Variants in TPRG1 observed in about 807,000 individuals in gnomAD.
TPRG1 encodes the protein tumor protein p63-regulated gene 1 protein.
A neutral mutation model predicts 29.3 loss-of-function variants in TPRG1; 29 were observed. That is an observed-to-expected ratio of 0.99 (90% CI 0.74 to 1.35). TPRG1 has a LOEUF of 1.35. TPRG1 is among the 40% of genes most tolerant of loss of function. The pLI is 0.00. For synonymous variants in TPRG1, 130 were observed against 116.8 expected (o/e 1.11, Z -0.73); for missense variants, 327 against 335.0 (o/e 0.98, Z 0.19).
Position 189,276,723 on chromosome 3 carries a change from A to C in TPRG1, c.480-33663A>C, listed in dbSNP as rs191027220. 3.3e-5 allele frequency among the ~76,000 whole-genome samples: 5 copies of C among 152,286 alleles called. No individual in the cohort carries two copies. In the East Asian group the frequency reaches 9.7e-4, roughly 29 times the overall value. ...CCTAGTCTCTTCCTTGGCTTGGCTC[A>C]TGGCTGTTCTAAATAATACCTTGGG... On this transcript the variant is annotated intron_variant, in intron 4 of 5. Transcript: ENST00000345063.
chr3:189,302,775 G>C (rs957405589), intron 4 of TPRG1, among the ~76,000 whole-genome samples: 1 of 152,114 alleles, frequency 6.6e-6, no homozygotes, highest in Non-Finnish European at 1.5e-5. Flanking sequence ...CTAATAACTT[G>C]TTGCATTTTC....
At chr3:189,070,675 A>T (rs1716760853) in intron 4 of TPRG1, among the ~76,000 whole-genome samples, 1 of 152,220 alleles carries the variant, frequency 6.6e-6, no homozygotes, top group Non-Finnish European at 1.5e-5. Flanking sequence ...CGACAGTTTT[A>T]TTAAAAAAAT....
chr3:189,300,078 G>T (rs919380600), intron 4 of TPRG1, among the ~76,000 whole-genome samples: 1 of 152,166 alleles, frequency 6.6e-6, no homozygotes, highest in Non-Finnish European at 1.5e-5. Context: ...ACTCTATAAT[G>T]ATTATCTTCG....
At chr3:189,090,364 T>G (rs1171248143) in intron 4 of TPRG1, among the ~76,000 whole-genome samples, 2 of 152,130 alleles carry the variant, frequency 1.3e-5, no homozygotes, top group Admixed American at 1.3e-4. Context: ...CTATACGTAA[T>G]TTTTGCTTCA....
chr3:189,086,684 C>A (rs995594267), intron 4 of TPRG1, among the ~76,000 whole-genome samples: 1 of 152,100 alleles, frequency 6.6e-6, no homozygotes, highest in Non-Finnish European at 1.5e-5. Flanking sequence ...TGTGCCACCA[C>A]GCCCAGCTAA....
chr3:189,157,798 G>A (rs1422531890), intron 5 of TPRG1, among the ~76,000 whole-genome samples: 1 of 152,058 alleles, frequency 6.6e-6, no homozygotes, highest in Non-Finnish European at 1.5e-5. Flanking sequence ...GATGAGTTGG[G>A]ACCTGTAGGA....
intron 1 of TPRG1, among the ~76,000 whole-genome samples, chr3:189,203,097 C>A (rs949772558): frequency 6.6e-6 from 1 of 152,064 alleles, no homozygotes; most frequent in Non-Finnish European, 1.5e-5. Flanking sequence ...TAAACAATAA[C>A]TTTTAAGCTA....
At chr3:189,291,957 T>A (rs1015228052) in intron 4 of TPRG1, among the ~76,000 whole-genome samples, 2 of 152,198 alleles carry the variant, frequency 1.3e-5, no homozygotes, top group Non-Finnish European at 2.9e-5. Flanking sequence ...TACTTATCAA[T>A]GGCTGACATT....
intron 1 of TPRG1, among the ~76,000 whole-genome samples, chr3:189,101,053 C>T (rs1719139377): frequency 6.6e-6 from 1 of 152,212 alleles, no homozygotes; most frequent in Non-Finnish European, 1.5e-5. Context: ...CTCTCCTTGG[C>T]AGCCATGCCC....
At chr3:189,164,916 A>C (rs555165446) in intron 5 of TPRG1, among the ~76,000 whole-genome samples, 1 of 152,274 alleles carries the variant, frequency 6.6e-6, no homozygotes, top group South Asian at 2.1e-4. Flanking sequence ...TTCATGTGGC[A>C]GAGTATCCCT....
intron 1 of TPRG1, among the ~76,000 whole-genome samples, chr3:189,176,554 G>A (rs1729513213): frequency 1.3e-5 from 2 of 152,282 alleles, no homozygotes; most frequent in South Asian, 4.1e-4. Flanking sequence ...GAGATATGGA[G>A]AACAATAGAA....
intron 2 of TPRG1, among the ~76,000 whole-genome samples, chr3:189,128,988 A>G (rs1722805132): frequency 1.3e-5 from 2 of 152,180 alleles, no homozygotes; most frequent in African/African-American, 4.8e-5. Flanking sequence ...GACTCAGGAA[A>G]AACAAAAACA....
chr3:189,277,989 G>A (rs527416015), intron 4 of TPRG1, among the ~76,000 whole-genome samples: 1 of 152,236 alleles, frequency 6.6e-6, no homozygotes, highest in East Asian at 1.9e-4. Flanking sequence ...CTATTTCTTT[G>A]TATCCATAAG....
intron 2 of TPRG1, among the ~76,000 whole-genome samples, chr3:189,214,578 A>T (rs1438122057): frequency 6.6e-6 from 1 of 152,184 alleles, no homozygotes; most frequent in African/African-American, 2.4e-5. Flanking sequence ...TACAGTCTCC[A>T]CACCACCAGC....
Position 189,311,094 on chromosome 3 carries a change from A to G in TPRG1, c.633+555A>G, listed in dbSNP as rs530392338. 6.2e-4 allele frequency among the ~76,000 whole-genome samples: 95 copies of G among 152,304 alleles called. 1 individual carries two copies. The highest frequency in any genetic ancestry group is 2.2e-3 in the African/African-American group (93 of 41,568). On this transcript the variant is annotated intron_variant, in intron 5 of 5. Transcript: ENST00000345063. ...CTTTGTCTTTAAATTTCATCTCATC[A>G]AGCAGATATTAGACTTATTTCTAAA... is the stretch of plus-strand genomic sequence containing the variant.
chr3:189,177,448 GTC>G (rs1292321613), intron 1 of TPRG1, among the ~76,000 whole-genome samples: 1 of 150,770 alleles, frequency 6.6e-6, no homozygotes, highest in Non-Finnish European at 1.5e-5. Flanking sequence ...ACATATATAT[GTC>G]TGTTTATATA....
intron 4 of TPRG1, among the ~76,000 whole-genome samples, chr3:189,280,699 C>G (rs1165147224): frequency 6.6e-6 from 1 of 152,152 alleles, no homozygotes; most frequent in Non-Finnish European, 1.5e-5. Context: ...TGGGTTAAAG[C>G]TGTAACCCTA....
chr3:189,126,311 T>A (rs1317779912), intron 1 of TPRG1, among the ~76,000 whole-genome samples: 1 of 152,214 alleles, frequency 6.6e-6, no homozygotes, highest in Non-Finnish European at 1.5e-5. Context: ...AATACCACTC[T>A]GCTTTCAGAC....
chr3:189,086,201 C>A (rs149854372), intron 4 of TPRG1, among the ~76,000 whole-genome samples: 303 of 152,172 alleles, frequency 2.0e-3, no homozygotes, highest in African/African-American at 7.1e-3. Flanking sequence ...AAGAAGCATC[C>A]AGCACAGGAG....
Sources: gnomAD v4.1 joint callset for allele counts (sites outside exome capture counted in the v4.1 genomes callset) on GRCh38, gnomAD v4.1.1 for gene constraint, MANE v1.5 for transcripts, NCBI Gene and HGNC (gene_info 2026-07-23, HGNC 2026-07-21) for gene names.